Variants in MGAT5B observed in about 807,000 individuals in gnomAD.
The protein encoded by MGAT5B is N-acetylglucosaminyl-transferase Vb.
Under a neutral mutation model 95.1 loss-of-function variants are expected in MGAT5B, and 54 were observed. The observed-to-expected ratio is 0.57, with a 90% CI of 0.46 to 0.71. The LOEUF (loss-of-function observed/expected upper bound fraction) is 0.71. MGAT5B is among the 30% of genes least tolerant of loss of function. The pLI, the probability that MGAT5B is intolerant of heterozygous loss-of-function variation, is 0.00. For missense variants in MGAT5B, 935 were observed against 1,088.6 expected, an observed-to-expected ratio of 0.86 and a Z score of 1.99; for synonymous variants, 464 against 451.0, an observed-to-expected ratio of 1.03 and a Z score of -0.36.
At position 76,937,973 on chromosome 17, in the gene MGAT5B, C is replaced by T; in HGVS notation, c.1429-15C>T. 1 of 1,611,860 alleles carries T rather than the reference C, an allele frequency of 6.2e-7. No homozygotes were observed. Among genetic ancestry groups the T allele is most frequent in the African/African-American group, 1.3e-5 (1 of 75,024 alleles). ...GTTTGCATGTGGTTCCCATCTCCTC[C>T]TCTTCTTTTTCCAGGGGAAGGAGAA... is the stretch of plus-strand genomic sequence containing the variant. On this transcript the variant is annotated splice_polypyrimidine_tract_variant and intron_variant, in intron 12 of 17. Transcript: ENST00000569840.
At position 76,948,913 on chromosome 17, in the gene MGAT5B, A is replaced by G. The variant is rs1047567904; in HGVS notation, c.*75A>G. The G allele has an allele frequency of 1.4e-5, 21 of 1,448,868 alleles. No homozygotes were observed. Among genetic ancestry groups the G allele is most frequent in the Non-Finnish European group, 1.9e-5 (21 of 1,081,972 alleles). The allele number at this position is 1,448,868 out of a possible 1,614,324, so 89.8% of individuals were successfully genotyped here. On this transcript the variant is annotated 3_prime_UTR_variant, in exon 18 of 18. Transcript: ENST00000569840. ...CGGGAGAAAGCACCAGCAGGTTCTGAGCCCTGGCTGCTTGTCCTCCTCGCA... is the reference window on the plus strand; with the variant it reads ...CGGGAGAAAGCACCAGCAGGTTCTGGGCCCTGGCTGCTTGTCCTCCTCGCA...
chr17:76,872,285 G>A (rs1967038121), intron 1 of MGAT5B, among the ~76,000 whole-genome samples: 1 of 152,210 alleles, frequency 6.6e-6, no homozygotes. Context: ...GCTCATGACT[G>A]CTGCAGCAAG....
At chr17:76,892,974 G>T (rs562028149) in intron 3 of MGAT5B, among the ~76,000 whole-genome samples, 4 of 152,282 alleles carry the variant, frequency 2.6e-5, no homozygotes, top group African/African-American at 9.6e-5. Context: ...GACACTCCAA[G>T]GGCTGAGGGG....
chr17:76,944,870 G>T (rs1173427723), intron 15 of MGAT5B, among the ~76,000 whole-genome samples: 1 of 152,214 alleles, frequency 6.6e-6, no homozygotes, highest in Non-Finnish European at 1.5e-5. Flanking sequence ...CAACGCTGAT[G>T]AGGAAGAAAG....
intron 11 of MGAT5B, 140 bp from the exon 12 acceptor site, chr17:76,933,152 G>C (rs1969549387): frequency 3.0e-6 from 3 of 1,008,830 alleles, no homozygotes; most frequent in Middle Eastern, 2.1e-4. Context: ...AGAGAAGCAG[G>C]AGAGGCTTAG....
Position 76,906,233 on chromosome 17 carries a change from G to A in MGAT5B, c.1025+46G>A. 1 of 1,544,996 alleles carries A rather than the reference G, an allele frequency of 6.5e-7. No individual in the cohort carries two copies. The highest frequency in any genetic ancestry group is 8.7e-7 in the Non-Finnish European group (1 of 1,153,452). ...CTGGCATTAAGTGGGGCAGGGAGGG[G>A]ATGAAGGGGAACCCCACCCCTCCCT... On this transcript the variant is annotated intron_variant, in intron 8 of 17. Coordinates refer to ENST00000569840, the MANE Select transcript of MGAT5B (RefSeq NM_001199172.2). This position sits in a 1 kb window ranked among gnomAD's most constrained non-coding sequence, Gnocchi z 4.6.
rs1185203097 is a variant in MGAT5B at position 76,912,758 on chromosome 17, G to A, written c.1025+6571G>A. Among the ~76,000 whole-genome samples the A allele has an allele frequency of 1.3e-5, 2 of 152,166 alleles. No individual in the cohort carries two copies. The highest frequency in any genetic ancestry group is 2.9e-5 in the Non-Finnish European group (2 of 68,030). ...GGCACGAGGGAGCCGTGCGCTCTGTGATGAGACTGCAGCAAGGTGATGTCA... is the reference window on the plus strand; with the variant it reads ...GGCACGAGGGAGCCGTGCGCTCTGTAATGAGACTGCAGCAAGGTGATGTCA... On this transcript the variant is annotated intron_variant, in intron 8 of 17. Transcript: ENST00000569840. The surrounding 1 kb of genome is among the most constrained non-coding windows in gnomAD (Gnocchi z 5.0).
chr17:76,923,458 C>T (rs2145233009), intron 8 of MGAT5B, among the ~76,000 whole-genome samples: 1 of 152,292 alleles, frequency 6.6e-6, no homozygotes, highest in Admixed American at 6.5e-5. Context: ...CTGGCTGCTT[C>T]CCAGTCTGGG....
chr17:76,871,354 A>T (rs1055445563), intron 1 of MGAT5B, among the ~76,000 whole-genome samples: 1 of 152,060 alleles, frequency 6.6e-6, no homozygotes, highest in African/African-American at 2.4e-5. Flanking sequence ...TGCGCTAAGG[A>T]AAGTGTCCCT....
rs1327749630 is a variant in MGAT5B, at chr17:76,869,819, G to A, written c.68+722G>A. ...CGCTTCGGGCGGCCAACACCTGGGG[G>A]CCCAGGCCAGGCAGGGCTGGGGCCG... On this transcript the variant is annotated intron_variant, in intron 1 of 17. Transcript: ENST00000569840. The surrounding 1 kb of genome is among the most constrained non-coding windows in gnomAD (Gnocchi z 7.0). Among the ~76,000 whole-genome samples the A allele has an allele frequency of 6.6e-6, 1 of 152,130 alleles. No individual in the cohort carries two copies. Among genetic ancestry groups the A allele is most frequent in the African/African-American group, 2.4e-5 (1 of 41,452 alleles).
At chr17:76,885,793 A>G (rs1967608034) in intron 3 of MGAT5B, among the ~76,000 whole-genome samples, 1 of 152,194 alleles carries the variant, frequency 6.6e-6, no homozygotes, top group Non-Finnish European at 1.5e-5. Flanking sequence ...GCTCCCGTGC[A>G]CAAACACTGC....
chr17:76,929,706 A>G (rs547612977), intron 10 of MGAT5B, among the ~76,000 whole-genome samples: 1 of 152,326 alleles, frequency 6.6e-6, no homozygotes, highest in South Asian at 2.1e-4. Flanking sequence ...CCAGGAAGGA[A>G]GTCATGAGCA....
intron 5 of MGAT5B, among the ~76,000 whole-genome samples, chr17:76,903,596 G>A (rs925438405): frequency 4.6e-5 from 7 of 152,200 alleles, no homozygotes; most frequent in South Asian, 2.1e-4. Flanking sequence ...AAGTGTCACC[G>A]CCAGCAGCCG....
intron 2 of MGAT5B, 105 bp from the exon 3 acceptor site, chr17:76,882,046 T>TG (rs11386896): frequency 0.26 from 327,347 of 1,247,520 alleles, 53,435 homozygotes; most frequent in African/African-American, 0.61. Context: ...TGGTTGGTGC[T>TG]GGGGGACTTT....
At position 76,906,247 on chromosome 17, in the gene MGAT5B, C is replaced by T; in HGVS notation, c.1025+60C>T. ...GGCAGGGAGGGGATGAAGGGGAACCCCACCCCTCCCTCCCAGGGGCTGTGG... is the reference window on the plus strand; with the variant it reads ...GGCAGGGAGGGGATGAAGGGGAACCTCACCCCTCCCTCCCAGGGGCTGTGG... On this transcript the variant is annotated intron_variant, in intron 8 of 17. Transcript: ENST00000569840. This position sits in a 1 kb window ranked among gnomAD's most constrained non-coding sequence, Gnocchi z 4.6. The T allele has an allele frequency of 2.0e-6, 3 of 1,502,544 alleles. No individual in the cohort carries two copies. The highest frequency in any genetic ancestry group is 2.5e-5 in the Admixed American group (1 of 40,626). The allele number at this position is 1,502,544 out of a possible 1,614,324, so 93.1% of individuals were successfully genotyped here. A position where few individuals can be genotyped will look rare whatever the true frequency, so the allele number is the denominator to read the frequency against.
chr17:76,917,591 C>T lies in MGAT5B; in HGVS notation c.1026-7375C>T, dbSNP rs182941559. Among the ~76,000 whole-genome samples the T allele has an allele frequency of 2.8e-4, 43 of 152,162 alleles. No homozygotes were observed. Among genetic ancestry groups the T allele is most frequent in the Non-Finnish European group, 5.3e-4 (36 of 67,984 alleles). The stretch of plus-strand genomic sequence containing the variant: ...GCATCTCTAGCGTGGAGCCAGCGGC[C>T]CTCAATATCCGAATCCAGGATGCAG... On this transcript the variant is annotated intron_variant, in intron 8 of 17. Transcript: ENST00000569840. This position sits in a 1 kb window ranked among gnomAD's most constrained non-coding sequence, Gnocchi z 6.1.
rs532806140 is a variant in MGAT5B at position 76,933,833 on chromosome 17, T to G, written c.1428+536T>G. Among the ~76,000 whole-genome samples, 4 of 152,274 alleles carry G rather than the reference T, an allele frequency of 2.6e-5. No individual in the cohort carries two copies. In the East Asian group the frequency reaches 7.7e-4, roughly 29 times the overall value. On this transcript the variant is annotated intron_variant, in intron 12 of 17. Transcript: ENST00000569840. ...GAGGTCGGGAGGGCTGGTGTGGCGT[T>G]CCCCGGGGTCTTCTTACCTTGACCC... is the stretch of plus-strand genomic sequence containing the variant.
intron 1 of MGAT5B, among the ~76,000 whole-genome samples, chr17:76,871,049 T>C (rs1251734751): frequency 6.6e-6 from 1 of 152,104 alleles, no homozygotes; most frequent in Non-Finnish European, 1.5e-5. Context: ...ACCTTTCTCA[T>C]AGCAGGGTTG....
chr17:76,933,495 G>C lies in MGAT5B; in HGVS notation c.1428+198G>C, dbSNP rs191690444. 2.5e-4 allele frequency among the ~76,000 whole-genome samples: 38 copies of C among 152,302 alleles called. No individual in the cohort carries two copies. In the East Asian group the frequency reaches 7.0e-3, roughly 28 times the overall value. On this transcript the variant is annotated intron_variant, in intron 12 of 17. Transcript: ENST00000569840. ...AGGAGCCGTCTTTCCTGGTTCCTCT[G>C]TCACAGGGAGGCAAGTCCTGGGAGG...
Sources: allele counts gnomAD v4.1 joint callset (sites outside exome capture counted in the v4.1 genomes callset), GRCh38; gene constraint gnomAD v4.1.1; non-coding constraint Gnocchi (gnomAD v3.1); transcripts MANE v1.5; gene names NCBI Gene and HGNC (gene_info 2026-07-23, HGNC 2026-07-21).